Variants in BRI3BP observed in about 807,000 individuals in gnomAD.
BRI3BP encodes the protein BRI3-binding protein.
Under a neutral mutation model 15.8 loss-of-function variants are expected in BRI3BP, and 7 were observed. The observed-to-expected ratio is 0.44, with a 90% confidence interval of 0.25 to 0.83. The LOEUF (loss-of-function observed/expected upper bound fraction) is 0.83, where lower values mean the gene tolerates loss of function less well. BRI3BP is among the 40% of genes least tolerant of loss of function. The pLI is 0.20. For missense variants in BRI3BP, 320 were observed against 339.3 expected (o/e 0.94, Z 0.45); for synonymous variants, 192 against 163.5 (o/e 1.17, Z -1.33).
rs1444002774 is a variant in BRI3BP at position 124,993,748 on chromosome 12, G to A, written c.-43G>A. 2.2e-5 allele frequency: 21 copies of A among 971,716 alleles called. No homozygotes were observed. Among genetic ancestry groups the A allele is most frequent in the Non-Finnish European group, 2.4e-5 (20 of 817,122 alleles). 60.2% of individuals were successfully genotyped at this position (971,716 alleles called of 1,614,324 possible). ...CGGAGCCCGCTGCGGCCCAGCGCACGGCCCTCACCCCGCATCGCGACCCCG... is the reference window on the plus strand; with the variant it reads ...CGGAGCCCGCTGCGGCCCAGCGCACAGCCCTCACCCCGCATCGCGACCCCG... On this transcript the variant is annotated 5_prime_UTR_variant, in exon 1 of 3. Coordinates refer to ENST00000341446, the MANE Select transcript of BRI3BP (RefSeq NM_080626.6).
chr12:125,038,958 C>T, the BRI3BP span, among the ~76,000 whole-genome samples: 12 of 150,692 alleles, frequency 8.0e-5, no homozygotes, highest in African/African-American at 2.2e-4. Flanking sequence ...GGCATGGTGG[C>T]CGGCGCCTGT....
chr12:125,005,566 C>G (rs547844195), intron 1 of BRI3BP, among the ~76,000 whole-genome samples: 2 of 152,134 alleles, frequency 1.3e-5, no homozygotes, highest in South Asian at 2.1e-4. Flanking sequence ...GTCAGGAATT[C>G]AAGACCAGTT....
intron 2 of BRI3BP, among the ~76,000 whole-genome samples, chr12:125,024,619 G>C (rs1346573863): frequency 6.6e-6 from 1 of 152,086 alleles, no homozygotes; most frequent in Non-Finnish European, 1.5e-5. Flanking sequence ...GATTAACATG[G>C]AGAAACCCCG....
intron 1 of BRI3BP, among the ~76,000 whole-genome samples, chr12:124,997,286 G>A (rs1326674459): frequency 1.4e-5 from 2 of 139,622 alleles, no homozygotes; most frequent in Non-Finnish European, 3.0e-5. Context: ...CGAGCTCTCG[G>A]CTTACTGCAA....
the BRI3BP span, among the ~76,000 whole-genome samples, chr12:125,043,762 A>G: frequency 2.6e-3 from 392 of 152,298 alleles, 5 homozygotes; most frequent in African/African-American, 8.9e-3. Flanking sequence ...AGGCTGAGGC[A>G]GGAGAATTGC....
At chr12:125,020,647 G>A (rs73231611) in intron 2 of BRI3BP, among the ~76,000 whole-genome samples, 30,652 of 152,214 alleles carry the variant, frequency 0.2, 3,483 homozygotes, top group African/African-American at 0.28. Flanking sequence ...CACTTTGGGA[G>A]GTTGAGGCAG....
intron 2 of BRI3BP, among the ~76,000 whole-genome samples, chr12:125,020,607 T>G (rs1323899583): frequency 6.6e-6 from 1 of 152,244 alleles, no homozygotes; most frequent in Non-Finnish European, 1.5e-5. Flanking sequence ...TAACAATGGC[T>G]GGACACAGTG....
intron 1 of BRI3BP, among the ~76,000 whole-genome samples, chr12:125,003,956 A>ACACACAC (rs1955118800): frequency 5.0e-4 from 19 of 38,136 alleles, no homozygotes; most frequent in South Asian, 2.0e-3. Flanking sequence ...CCATCTCAAA[A>ACACACAC]ACACACACAC....
chr12:125,038,408 A>C, the BRI3BP span, among the ~76,000 whole-genome samples: 1 of 152,228 alleles, frequency 6.6e-6, no homozygotes, highest in East Asian at 1.9e-4. Context: ...CTATTCTAAA[A>C]GAAATGAGTT....
the BRI3BP span, among the ~76,000 whole-genome samples, chr12:125,047,767 G>A: frequency 6.6e-6 from 1 of 152,192 alleles, no homozygotes; most frequent in East Asian, 1.9e-4. Flanking sequence ...CGCAATCTGG[G>A]CTCACTGCAA....
At chr12:125,007,855 A>G (rs1253016048) in intron 1 of BRI3BP, among the ~76,000 whole-genome samples, 1 of 152,166 alleles carries the variant, frequency 6.6e-6, no homozygotes, top group East Asian at 1.9e-4. Flanking sequence ...TTCTGTGAGC[A>G]GATCATGTCT....
intron 1 of BRI3BP, among the ~76,000 whole-genome samples, chr12:124,997,204 C>T (rs1320355190): frequency 7.5e-5 from 4 of 53,506 alleles, no homozygotes; most frequent in African/African-American, 1.1e-4. Context: ...TTTTTTTTTG[C>T]TTTACTTCTC....
chr12:125,020,622 A>G (rs1026946362), intron 2 of BRI3BP, among the ~76,000 whole-genome samples: 26 of 152,356 alleles, frequency 1.7e-4, no homozygotes, highest in African/African-American at 6.0e-4. Flanking sequence ...ACAGTGGCTC[A>G]TCTGGTAATC....
intron 2 of BRI3BP, 48 bp downstream of exon 2, chr12:125,012,684 G>C: frequency 6.9e-7 from 1 of 1,439,592 alleles, no homozygotes; most frequent in Non-Finnish European, 9.8e-7. Context: ...TATTTTGGTG[G>C]TTCTCATAGT....
intron 1 of BRI3BP, among the ~76,000 whole-genome samples, chr12:125,010,208 A>G (rs1174034713): frequency 6.6e-6 from 1 of 152,186 alleles, no homozygotes; most frequent in African/African-American, 2.4e-5. Flanking sequence ...AAAGCTCGCA[A>G]TAACCAGATG....
intron 1 of BRI3BP, among the ~76,000 whole-genome samples, chr12:125,004,559 G>A (rs910613683): frequency 6.6e-6 from 1 of 152,158 alleles, no homozygotes; most frequent in African/African-American, 2.4e-5. Flanking sequence ...TAGAAAAATT[G>A]TGAAGATAAT....
chr12:125,002,731 C>T (rs948142991), intron 1 of BRI3BP, among the ~76,000 whole-genome samples: 1 of 152,202 alleles, frequency 6.6e-6, no homozygotes, highest in African/African-American at 2.4e-5. Context: ...GCTGGGATTA[C>T]AGGCGTGAGC....
intron 2 of BRI3BP, among the ~76,000 whole-genome samples, chr12:125,017,107 C>A (rs1403797092): frequency 3.3e-5 from 5 of 151,760 alleles, no homozygotes; most frequent in Non-Finnish European, 7.4e-5. Context: ...GCAACCTCCA[C>A]CTCCCGGGTT....
intron 2 of BRI3BP, among the ~76,000 whole-genome samples, chr12:125,015,668 G>A (rs555151010): frequency 4.5e-4 from 68 of 152,214 alleles, no homozygotes; most frequent in Non-Finnish European, 9.1e-4. Context: ...TGGGCACACT[G>A]GTTCATACCT....
Sources: allele counts gnomAD v4.1 joint callset (sites outside exome capture counted in the v4.1 genomes callset), GRCh38; gene constraint gnomAD v4.1.1; transcripts MANE v1.5; gene names NCBI Gene and HGNC (gene_info 2026-07-23, HGNC 2026-07-21).